Variants in EOGT observed in about 807,000 individuals in gnomAD.
EOGT encodes EGF domain specific O-linked N-acetylglucosamine transferase.
A neutral mutation model predicts 70.5 loss-of-function variants in EOGT; 55 were observed. The ratio of observed to expected loss-of-function variants is 0.78; its 90% CI spans 0.63 to 0.98. The LOEUF (loss-of-function observed/expected upper bound fraction) is 0.98. EOGT is among the 50% of genes least tolerant of loss of function. The probability of loss-of-function intolerance (pLI) is 0.00; values close to 1 mark genes in which losing one functional copy is unlikely to be tolerated. For synonymous variants in EOGT, 246 were observed against 217.1 expected (o/e 1.13, Z -1.17); for missense variants, 703 against 641.9 (o/e 1.10, Z -1.03).
intron 4 of EOGT, among the ~76,000 whole-genome samples, chr3:69,008,955 A>C (rs544059778): frequency 1.0e-4 from 16 of 152,382 alleles, no homozygotes; most frequent in African/African-American, 3.8e-4. Flanking sequence ...CAAGATCAGC[A>C]GAGACCCCAC....
intron 15 of EOGT, among the ~76,000 whole-genome samples, chr3:68,981,823 T>G (rs1173310601): frequency 6.8e-6 from 1 of 146,324 alleles, no homozygotes; most frequent in East Asian, 2.0e-4. Context: ...ACATCTAAAT[T>G]TTGATAACTT....
At chr3:68,995,105 T>TA (rs1243600373) in intron 10 of EOGT, among the ~76,000 whole-genome samples, 2 of 152,180 alleles carry the variant, frequency 1.3e-5, no homozygotes, top group Non-Finnish European at 2.9e-5. Flanking sequence ...CAGTCACAGT[T>TA]ACCTCCCTGC....
chr3:68,997,371 C>CTT (rs796115630), intron 10 of EOGT, among the ~76,000 whole-genome samples: 143 of 141,478 alleles, frequency 1.0e-3, no homozygotes, highest in African/African-American at 2.8e-3. Context: ...GAATGACAGC[C>CTT]TTTTTTTTTT....
Position 68,982,846 on chromosome 3 carries a change from A to G in EOGT, c.1179T>C (p.Ser393=), listed in dbSNP as rs760487110. 4 of 1,604,860 alleles carry G rather than the reference A, an allele frequency of 2.5e-6. No individual in the cohort carries two copies. In the East Asian group the frequency reaches 9.0e-5, roughly 36 times the overall value. The part of the protein sequence containing the change: ...NELVNALKTV[S]TFEVQIVDYK... ...AATCAACAATCTGGACTTCAAATGTAGATACTGTTTTCAGTGCATTTACAA... is the reference window on the plus strand; with the variant it reads ...AATCAACAATCTGGACTTCAAATGTGGATACTGTTTTCAGTGCATTTACAA... Residue 393 remains serine (S), a synonymous_variant, in exon 15 of 18, where the codon TCT becomes TCC. Transcript: ENST00000383701.
intron 14 of EOGT, among the ~76,000 whole-genome samples, chr3:68,986,273 T>G (rs781297827): frequency 1.6e-4 from 24 of 152,154 alleles, no homozygotes; most frequent in Non-Finnish European, 2.8e-4. Context: ...CAACCTTACT[T>G]TCCCTATGCC....
intron 10 of EOGT, among the ~76,000 whole-genome samples, chr3:68,991,471 TG>T (rs1323309851): frequency 6.6e-6 from 1 of 152,114 alleles, no homozygotes; most frequent in Admixed American, 6.5e-5. Context: ...CTAAATGTGA[TG>T]GGGGGTGGAG....
chr3:69,011,384 G>A (rs570742168), intron 3 of EOGT, among the ~76,000 whole-genome samples: 39 of 151,636 alleles, frequency 2.6e-4, no homozygotes, highest in Admixed American at 1.2e-3. Context: ...GTAGCACTTT[G>A]GGAGGCCAAG....
At position 68,975,251 on chromosome 3, in the gene EOGT, T is replaced by G. The variant is rs1410796545; in HGVS notation, c.*2367A>C. 6.6e-6 allele frequency: 1 copy of G among 152,608 alleles called. No homozygotes were observed. The highest frequency in any genetic ancestry group is 6.5e-5 in the Admixed American group (1 of 15,270). The allele number at this position is 152,608 out of a possible 1,614,324, so 9.5% of individuals were successfully genotyped here. ...TCAAATAAAATATAAAATGATTTAT[T>G]CCAAAGCCATACCCAAAACATACAA... On this transcript the variant is annotated 3_prime_UTR_variant, in exon 18 of 18. Transcript: ENST00000383701.
chr3:69,007,867 T>A, intron 5 of EOGT, 46 bp from the exon 6 acceptor site: 1 of 1,387,092 alleles, frequency 7.2e-7, no homozygotes, highest in South Asian at 1.3e-5. Flanking sequence ...TTTTACTTTT[T>A]TGGACCTTGA....
intron 10 of EOGT, among the ~76,000 whole-genome samples, chr3:68,991,823 G>T (rs1448666114): frequency 6.6e-6 from 1 of 152,170 alleles, no homozygotes; most frequent in East Asian, 1.9e-4. Flanking sequence ...TGGACTTACA[G>T]TTCCACATGG....
chr3:68,996,644 G>C (rs2091156167), intron 10 of EOGT, among the ~76,000 whole-genome samples: 1 of 152,172 alleles, frequency 6.6e-6, no homozygotes, highest in Admixed American at 6.5e-5. Flanking sequence ...ACCTGCCCCA[G>C]GCGAATCTTG....
rs2091602611 is a variant in EOGT at position 69,012,546 on chromosome 3, G to A, written c.-102C>T. 1 of 152,404 alleles carries A rather than the reference G, an allele frequency of 6.6e-6. No homozygotes were observed. The highest frequency in any genetic ancestry group is 6.5e-5 in the Admixed American group (1 of 15,284). 9.4% of individuals were successfully genotyped at this position (152,404 alleles called of 1,614,324 possible). On this transcript the variant is annotated 5_prime_UTR_variant, in exon 2 of 18. Coordinates refer to ENST00000383701, the MANE Select transcript of EOGT (RefSeq NM_001278689.2). ...GTGGAGAAGTAACGCTTAGGCGATG[G>A]AAAAAATCTAAAGACGCAGATCAGA...
At position 69,005,084 on chromosome 3, in the gene EOGT, G is replaced by C. The variant is rs1476349441; in HGVS notation, c.515+56C>G. On this transcript the variant is annotated intron_variant, in intron 7 of 17. Transcript: ENST00000383701. ...CTCAAAAAAAAAAAAAAAAATCCCT[G>C]GATCTGAAAATATTTCAGAATTTAT... 2.9e-6 allele frequency: 3 copies of C among 1,044,154 alleles called. No homozygotes were observed. The African/African-American group carries it at 5.0e-5, about 17-fold the overall frequency. 64.7% of individuals were successfully genotyped at this position (1,044,154 alleles called of 1,614,324 possible).
At chr3:68,979,535 G>T in intron 16 of EOGT, 133 bp downstream of exon 16, 2 of 1,000,272 alleles carry the variant, frequency 2.0e-6, no homozygotes, top group Non-Finnish European at 2.8e-6. Context: ...TTTCTTTCCA[G>T]ATTGTCTATA....
intron 14 of EOGT, among the ~76,000 whole-genome samples, chr3:68,986,709 G>C (rs1280888927): frequency 6.6e-6 from 1 of 152,066 alleles, no homozygotes; most frequent in Non-Finnish European, 1.5e-5. Flanking sequence ...ATCCTTCAAA[G>C]CACTTATCAC....
intron 14 of EOGT, among the ~76,000 whole-genome samples, chr3:68,984,160 T>C (rs1251993178): frequency 2.0e-5 from 3 of 152,112 alleles, no homozygotes; most frequent in South Asian, 2.1e-4. Context: ...TCTATTGTCC[T>C]GCTTACAGAA....
chr3:68,989,469 T>C (rs892152940), intron 10 of EOGT, among the ~76,000 whole-genome samples: 1 of 152,032 alleles, frequency 6.6e-6, no homozygotes, highest in African/African-American at 2.4e-5. Context: ...TAACACTGGC[T>C]GGGTGCGGTG....
At chr3:68,993,820 G>C (rs940067300) in intron 10 of EOGT, among the ~76,000 whole-genome samples, 1 of 152,186 alleles carries the variant, frequency 6.6e-6, no homozygotes, top group Admixed American at 6.6e-5. Context: ...CATGGTGGCA[G>C]CAAGGGAAAA....
At chr3:68,981,460 G>A (rs1359217991) in intron 15 of EOGT, among the ~76,000 whole-genome samples, 2 of 152,230 alleles carry the variant, frequency 1.3e-5, no homozygotes, top group Admixed American at 6.5e-5. Flanking sequence ...ACTGGAAAGT[G>A]TTCACAGTGT....
Sources: allele counts gnomAD v4.1 joint callset (sites outside exome capture counted in the v4.1 genomes callset), GRCh38; gene constraint gnomAD v4.1.1; transcripts MANE v1.5; gene names NCBI Gene and HGNC (gene_info 2026-07-23, HGNC 2026-07-21).